Variants in NBPF15 observed in about 807,000 individuals in gnomAD.
NBPF15 encodes NBPF family member NBPF15.
Under a neutral mutation model 62.2 loss-of-function variants are expected in NBPF15, and 74 were observed. The observed-to-expected ratio is 1.19, with a 90% CI of 0.99 to 1.44. The LOEUF (loss-of-function observed/expected upper bound fraction) is 1.44. Among genes scored for constraint, NBPF15 ranks in the 40% most tolerant of loss-of-function variants. The pLI, the probability that NBPF15 is intolerant of heterozygous loss-of-function variation, is 0.00. For missense variants in NBPF15, 790 were observed against 550.0 expected, an observed-to-expected ratio of 1.44 and a Z score of -4.36; for synonymous variants, 244 against 209.7, an observed-to-expected ratio of 1.16 and a Z score of -1.41.
intron 3 of NBPF15, among the ~76,000 whole-genome samples, chr1:144,458,312 T>C (rs1649738352): frequency 6.6e-6 from 1 of 151,630 alleles, no homozygotes. Context: ...AAATAAAGAG[T>C]CAAGACTGTA....
At position 144,423,214 on chromosome 1, in the gene NBPF15, T is replaced by A. The variant is rs782007476; in HGVS notation, c.1812A>T (p.Leu604Phe). Residue 604 changes from leucine to phenylalanine, a missense_variant, in exon 22 of 22, where the codon TTA becomes TTT. Leu to Phe is a conservative substitution (Grantham distance 22, BLOSUM62 0). Coordinates refer to ENST00000581897, the MANE Select transcript of NBPF15 (RefSeq NM_001385408.1). Reference protein sequence around the residue: ...VLMEVEEPEVLQDSLDRCYST... With the variant: ...VLMEVEEPEVFQDSLDRCYST... ...AATAACATCTATCCAGTGAGTCCTG[T>A]AAGACTTCAGGCTCTTCCACTTCCA... The A allele has an allele frequency of 3.7e-6, 6 of 1,611,310 alleles. No homozygotes were observed. The highest frequency in any genetic ancestry group is 1.7e-5 in the Admixed American group (1 of 59,954).
intron 6 of NBPF15, chr1:144,442,830 G>A (rs1684565112): frequency 4.7e-6 from 1 of 212,266 alleles, no homozygotes; most frequent in African/African-American, 2.3e-5. Flanking sequence ...TGCAGGATGG[G>A]GAATTGACCG....
chr1:144,424,451 A>G (rs1442989506), intron 20 of NBPF15, among the ~76,000 whole-genome samples: 1 of 151,998 alleles, frequency 6.6e-6, no homozygotes, highest in African/African-American at 2.4e-5. Context: ...CAATGTCATG[A>G]GAGTAGAATC....
chr1:144,438,352 T>A (rs1262767321), intron 8 of NBPF15, among the ~76,000 whole-genome samples: 3 of 151,760 alleles, frequency 2.0e-5, no homozygotes, highest in African/African-American at 7.3e-5. Flanking sequence ...GCGGGGCCAC[T>A]TTCCCAAGCC....
rs1490843238 is a variant in NBPF15, at chr1:144,440,200, G to C, written c.-95C>G. The C allele has an allele frequency of 3.7e-5, 57 of 1,528,020 alleles. No homozygotes were observed. The highest frequency in any genetic ancestry group is 4.8e-5 in the Non-Finnish European group (54 of 1,134,082). 94.7% of individuals were successfully genotyped at this position (1,528,020 alleles called of 1,614,324 possible). A position where few individuals can be genotyped will look rare whatever the true frequency, so the allele number is the denominator to read the frequency against. On this transcript the variant is annotated 5_prime_UTR_variant, in exon 7 of 22. Coordinates refer to ENST00000581897, the MANE Select transcript of NBPF15 (RefSeq NM_001385408.1). ...TTAGGATCCTTCACCACAAAAACAA[G>C]GTTCGAGGTGCCTCAACTCAGAGCT... is the stretch of plus-strand genomic sequence containing the variant.
At chr1:144,424,250 A>C (rs1261563593) in intron 20 of NBPF15, among the ~76,000 whole-genome samples, 187 of 151,660 alleles carry the variant, frequency 1.2e-3, no homozygotes, top group Non-Finnish European at 1.7e-3. Flanking sequence ...ATATTTTTCC[A>C]ATCAATTTAA....
rs782757337 is a variant in NBPF15 at position 144,423,227 on chromosome 1, T to C, written c.1799A>G (p.Glu600Gly). ...RLYGVLMEVE[E>G]PEVLQDSLDR... ...CAGTGAGTCCTGTAAGACTTCAGGC[T>C]CTTCCACTTCCATCAGCACGCCGTA... Residue 600 changes from glutamate to glycine, a missense_variant, in exon 22 of 22, where the codon GAG becomes GGG. Glu to Gly is a moderately conservative substitution (Grantham distance 98). Transcript: ENST00000581897. 23 of 1,611,422 alleles carry C rather than the reference T, an allele frequency of 1.4e-5. 2 individuals are homozygous for C. Among genetic ancestry groups the C allele is most frequent in the Non-Finnish European group, 1.8e-5 (21 of 1,179,594 alleles).
Position 144,439,327 on chromosome 1 carries a change from C to T in NBPF15, c.175+502G>A, listed in dbSNP as rs1454954000. Among the ~76,000 whole-genome samples the T allele has an allele frequency of 2.0e-5, 3 of 151,954 alleles. No individual in the cohort carries two copies. The East Asian group carries it at 5.8e-4, about 29-fold the overall frequency. On this transcript the variant is annotated intron_variant, in intron 8 of 21. Transcript: ENST00000581897. ...CTGTCACTTATAGACAGCACAGGTT[C>T]TATTAGGAGTAGACTCCTCTTGAAG...
At chr1:144,427,701 T>G (rs1670774611) in intron 16 of NBPF15, 117 bp downstream of exon 16, 4 of 619,312 alleles carry the variant, frequency 6.5e-6, no homozygotes, top group African/African-American at 2.0e-5. Flanking sequence ...CATGTGCCTA[T>G]AGGTCCTCCC....
At position 144,440,132 on chromosome 1, in the gene NBPF15, T is replaced by C. The variant is rs1571137844; in HGVS notation, c.-36+9A>G. The C allele has an allele frequency of 1.9e-6, 3 of 1,583,210 alleles. No individual in the cohort carries two copies. Among genetic ancestry groups the C allele is most frequent in the Admixed American group, 1.7e-5 (1 of 59,754 alleles). ...TGAGGGATGTAAGTAACTGAAATTC[T>C]TAACTTACTGTTGTCAAAAATGTGA... On this transcript the variant is annotated intron_variant, in intron 7 of 21. Coordinates refer to ENST00000581897, the MANE Select transcript of NBPF15 (RefSeq NM_001385408.1).
intron 4 of NBPF15, among the ~76,000 whole-genome samples, chr1:144,453,628 C>A (rs1464219286): frequency 1.6e-5 from 1 of 61,706 alleles, no homozygotes; most frequent in East Asian, 5.6e-4. Flanking sequence ...GAGAACTAAA[C>A]AACACAAAGC....
chr1:144,445,611 G>A (rs1211455465), intron 6 of NBPF15, among the ~76,000 whole-genome samples: 7 of 149,284 alleles, frequency 4.7e-5, no homozygotes, highest in African/African-American at 1.5e-4. Context: ...CTTGATCATT[G>A]ACATTACCAT....
At position 144,461,620 on chromosome 1, in the gene NBPF15, CCTGCG is replaced by C. The variant is rs1653182671; in HGVS notation, c.-1182_-1178del. 1 of 152,584 alleles carries C rather than the reference CCTGCG, an allele frequency of 6.6e-6. No homozygotes were observed. Among genetic ancestry groups the C allele is most frequent in the Non-Finnish European group, 1.5e-5 (1 of 68,444 alleles). The allele number at this position is 152,584 out of a possible 1,614,324, so 9.5% of individuals were successfully genotyped here. On this transcript the variant is annotated 5_prime_UTR_variant, in exon 1 of 22. Coordinates refer to ENST00000581897, the MANE Select transcript of NBPF15 (RefSeq NM_001385408.1). ...GTCTCAACCGCCGCCCAGCCCATAG[CCTGCG>C]CCAGCTGGCTCCTCAGGGTCCCGCC...
intron 21 of NBPF15, 80 bp from the exon 22 acceptor site, chr1:144,423,336 T>G (rs1553538632): frequency 1.9e-6 from 3 of 1,608,424 alleles, no homozygotes; most frequent in South Asian, 1.1e-5. Context: ...AGAAGTAATA[T>G]AAGGAAGTGG....
At position 144,440,663 on chromosome 1, in the gene NBPF15, T is replaced by G. The variant is rs868940079; in HGVS notation, c.-190-368A>C. 1.2e-3 allele frequency: 184 copies of G among 157,968 alleles called. 3 individuals are homozygous for G. Among genetic ancestry groups the G allele is most frequent in the Middle Eastern group, 6.6e-3 (2 of 304 alleles). The allele number at this position is 157,968 out of a possible 1,614,324, so 9.8% of individuals were successfully genotyped here. The stretch of plus-strand genomic sequence containing the variant: ...TTGTTTTGACTTTTTTTTTTTTTTT[T>G]TTTGTTTGAGACAGAGTCTCACTCT... On this transcript the variant is annotated intron_variant, in intron 6 of 21. Transcript: ENST00000581897.
At chr1:144,427,375 C>T (rs1217889852) in intron 16 of NBPF15, among the ~76,000 whole-genome samples, 5 of 131,640 alleles carry the variant, frequency 3.8e-5, no homozygotes, top group Admixed American at 7.6e-5. Flanking sequence ...TTTTTCCAAT[C>T]GATTTAAAGC....
At position 144,424,684 on chromosome 1, in the gene NBPF15, A is replaced by G. The variant is rs1427236434; in HGVS notation, c.1663+6T>C. The G allele has an allele frequency of 7.9e-6, 5 of 633,732 alleles. No homozygotes were observed. The highest frequency in any genetic ancestry group is 1.9e-5 in the African/African-American group (1 of 53,394). The allele number at this position is 633,732 out of a possible 1,614,324, so 39.3% of individuals were successfully genotyped here. On this transcript the variant is annotated splice_donor_region_variant and intron_variant, in intron 20 of 21. Coordinates refer to ENST00000581897, the MANE Select transcript of NBPF15 (RefSeq NM_001385408.1). The stretch of plus-strand genomic sequence containing the variant: ...ATCCTTATCACCTTCATAGAAAGGT[A>G]CTCACCTCCCACGTCAAGAGAAAAG...
At chr1:144,442,176 A>C (rs1291041719) in intron 6 of NBPF15, among the ~76,000 whole-genome samples, 1 of 111,516 alleles carries the variant, frequency 9.0e-6, no homozygotes, top group East Asian at 2.3e-4. Flanking sequence ...ATATATATAT[A>C]TATAATATAT....
intron 4 of NBPF15, among the ~76,000 whole-genome samples, chr1:144,452,319 C>T: frequency 6.6e-6 from 1 of 151,894 alleles, no homozygotes; most frequent in Non-Finnish European, 1.5e-5. Flanking sequence ...TGAACCAATT[C>T]AAGGAGAGCC....
Sources: allele counts gnomAD v4.1 joint callset (sites outside exome capture counted in the v4.1 genomes callset), GRCh38; gene constraint gnomAD v4.1.1; transcripts MANE v1.5; gene names NCBI Gene and HGNC (gene_info 2026-07-23, HGNC 2026-07-21).